Variants in MTPN observed in about 807,000 individuals in gnomAD.
MTPN encodes the protein granule cell differentiation protein.
A neutral mutation model predicts 13.5 loss-of-function variants in MTPN; 2 were observed. That is an observed-to-expected ratio of 0.15 (90% CI 0.06 to 0.47). The LOEUF (loss-of-function observed/expected upper bound fraction) is 0.47, where lower values mean the gene tolerates loss of function less well. Ranked by LOEUF, MTPN falls within the 20% of genes least tolerant of loss-of-function variation. The pLI is 0.97. For synonymous variants in MTPN, 46 were observed against 51.7 expected (o/e 0.89, Z 0.48); for missense variants, 79 against 137.9 (o/e 0.57, Z 2.14).
At chr7:135,951,656 A>G (rs1393139641) in intron 1 of MTPN, 26 bp from the exon 2 acceptor site, 3 of 1,505,772 alleles carry the variant, frequency 2.0e-6, no homozygotes, top group Non-Finnish European at 1.8e-6. Flanking sequence ...AATGAAAACA[A>G]TATTTATATG....
At chr7:135,963,758 T>C (rs1030244309) in intron 1 of MTPN, among the ~76,000 whole-genome samples, 14 of 152,166 alleles carry the variant, frequency 9.2e-5, no homozygotes, top group South Asian at 4.1e-4. Flanking sequence ...ATCCCACCTA[T>C]ACATTTACTT....
At position 135,927,057 on chromosome 7, in the gene MTPN, G is replaced by A; in HGVS notation, c.*2869C>T. 1 of 341,562 alleles carries A rather than the reference G, an allele frequency of 2.9e-6. No individual in the cohort carries two copies. The highest frequency in any genetic ancestry group is 5.2e-6 in the Non-Finnish European group (1 of 190,658). 21.2% of individuals were successfully genotyped at this position (341,562 alleles called of 1,614,324 possible). On this transcript the variant is annotated 3_prime_UTR_variant, in exon 4 of 4. Transcript: ENST00000393085. ...TGCAATTGCTTATTTATGTAGGAGG[G>A]CACTCTCACCAGCTTCTTCTATACA...
At chr7:135,975,122 G>GT (rs1799753343) in intron 1 of MTPN, among the ~76,000 whole-genome samples, 1 of 152,136 alleles carries the variant, frequency 6.6e-6, no homozygotes, top group Non-Finnish European at 1.5e-5. Flanking sequence ...GGCTACGGTA[G>GT]TAATATAGGG....
chr7:135,940,547 C>T (rs994410846), intron 3 of MTPN, among the ~76,000 whole-genome samples: 1 of 152,168 alleles, frequency 6.6e-6, no homozygotes, highest in Non-Finnish European at 1.5e-5. Flanking sequence ...TCACAGCAGT[C>T]CCCTGAAGTG....
At chr7:135,938,585 TAC>T (rs1584807056) in intron 3 of MTPN, among the ~76,000 whole-genome samples, 1 of 152,230 alleles carries the variant, frequency 6.6e-6, no homozygotes, top group East Asian at 1.9e-4. Flanking sequence ...GAAACAGCTT[TAC>T]AGAGTTCAAG....
rs1302601778 is a variant in MTPN at position 135,927,613 on chromosome 7, C to T, written c.*2313G>A. 1 of 671,556 alleles carries T rather than the reference C, an allele frequency of 1.5e-6. No homozygotes were observed. The highest frequency in any genetic ancestry group is 1.8e-5 in the African/African-American group (1 of 55,346). 41.6% of individuals were successfully genotyped at this position (671,556 alleles called of 1,614,324 possible). The stretch of plus-strand genomic sequence containing the variant: ...TGAACATTAAGTGTTGTGAATTTGT[C>T]TGCCAAGTGGTTCAGAAATACATTA... On this transcript the variant is annotated 3_prime_UTR_variant, in exon 4 of 4. Coordinates refer to ENST00000393085, the MANE Select transcript of MTPN (RefSeq NM_145808.4).
chr7:135,930,840 T>G (rs564848649), intron 3 of MTPN, among the ~76,000 whole-genome samples: 1 of 152,266 alleles, frequency 6.6e-6, no homozygotes, highest in East Asian at 1.9e-4. Context: ...ATCTGAGGGT[T>G]CTGTTTACCA....
rs1799539574 is a variant in MTPN, at chr7:135,962,480, T to G, written c.73-10850A>C. ...ATTCTATTAATGGCAAGAATATTAC[T>G]TATGGACACAACCAAATCTGTGAAA... is the stretch of plus-strand genomic sequence containing the variant. On this transcript the variant is annotated intron_variant, in intron 1 of 3. Coordinates refer to ENST00000393085, the MANE Select transcript of MTPN (RefSeq NM_145808.4). Among the ~76,000 whole-genome samples the G allele has an allele frequency of 2.0e-5, 3 of 152,034 alleles. No individual in the cohort carries two copies. The South Asian group carries it at 6.2e-4, about 31-fold the overall frequency.
rs1798988015 is a variant in MTPN, at chr7:135,929,819, A to G, written c.*107T>C. The G allele has an allele frequency of 8.0e-6, 9 of 1,118,330 alleles. No homozygotes were observed. The highest frequency in any genetic ancestry group is 1.2e-5 in the Non-Finnish European group (9 of 738,798). The allele number at this position is 1,118,330 out of a possible 1,614,324, so 69.3% of individuals were successfully genotyped here. A position where few individuals can be genotyped will look rare whatever the true frequency, so the allele number is the denominator to read the frequency against. On this transcript the variant is annotated 3_prime_UTR_variant, in exon 4 of 4. Coordinates refer to ENST00000393085, the MANE Select transcript of MTPN (RefSeq NM_145808.4). Reference sequence around the variant, plus strand: ...ATTTCTCTCTCCCCTCACCCCTCTTAAAGTATTTAGCTGAAGAAGCTGGCA... The same window carrying G: ...ATTTCTCTCTCCCCTCACCCCTCTTGAAGTATTTAGCTGAAGAAGCTGGCA...
At chr7:135,973,381 C>G (rs1462528312) in intron 1 of MTPN, among the ~76,000 whole-genome samples, 1 of 151,408 alleles carries the variant, frequency 6.6e-6, no homozygotes, top group Non-Finnish European at 1.5e-5. Context: ...GTCTTGGTAA[C>G]CCTCAGAAAT....
intron 3 of MTPN, among the ~76,000 whole-genome samples, chr7:135,936,779 A>G (rs1416323147): frequency 1.3e-5 from 2 of 152,306 alleles, no homozygotes; most frequent in East Asian, 1.9e-4. Context: ...TGGAGGAGAA[A>G]AAGGTTGCTA....
intron 1 of MTPN, among the ~76,000 whole-genome samples, chr7:135,959,580 A>G (rs1365629887): frequency 2.0e-5 from 3 of 152,158 alleles, no homozygotes; most frequent in Non-Finnish European, 4.4e-5. Flanking sequence ...TCTCATGAAA[A>G]TTTGGTGAGT....
intron 1 of MTPN, among the ~76,000 whole-genome samples, chr7:135,975,117 C>G (rs1421880979): frequency 6.6e-6 from 1 of 152,062 alleles, no homozygotes; most frequent in South Asian, 2.1e-4. Flanking sequence ...GAACAGGCTA[C>G]GGTAGTAATA....
chr7:135,954,098 T>C (rs1398707391), intron 1 of MTPN, among the ~76,000 whole-genome samples: 1 of 152,208 alleles, frequency 6.6e-6, no homozygotes, highest in Non-Finnish European at 1.5e-5. Context: ...TAAATTTTGG[T>C]TTCCTTATCC....
In MTPN at chr7:135,927,382, T is replaced by A. The variant is rs1027486531; in HGVS notation, c.*2544A>T. 3.2e-6 allele frequency: 5 copies of A among 1,549,608 alleles called. No homozygotes were observed. In the African/African-American group the frequency reaches 5.5e-5, roughly 17 times the overall value. On this transcript the variant is annotated 3_prime_UTR_variant, in exon 4 of 4. Transcript: ENST00000393085. Reference sequence around the variant, plus strand: ...GAAGCTGCAAGGGAGACTTTGTTAGTACACTACTATAAACAGGTAAACTAC... The same window carrying A: ...GAAGCTGCAAGGGAGACTTTGTTAGAACACTACTATAAACAGGTAAACTAC...
At chr7:135,930,286 G>A (rs546875770) in intron 3 of MTPN, among the ~76,000 whole-genome samples, 7 of 152,286 alleles carry the variant, frequency 4.6e-5, no homozygotes, top group South Asian at 2.1e-4. Flanking sequence ...GGAAGAGCAC[G>A]TTGAGCAAGT....
At chr7:135,940,301 AC>A (rs1799189572) in intron 3 of MTPN, among the ~76,000 whole-genome samples, 1 of 152,228 alleles carries the variant, frequency 6.6e-6, no homozygotes, top group African/African-American at 2.4e-5. Flanking sequence ...TCAAATACCT[AC>A]AATTATACAT....
At position 135,939,695 on chromosome 7, in the gene MTPN, T is replaced by C. The variant is rs527658452; in HGVS notation, c.271-9683A>G. Among the ~76,000 whole-genome samples, 3 of 151,620 alleles carry C rather than the reference T, an allele frequency of 2.0e-5. No homozygotes were observed. In the East Asian group the frequency reaches 5.9e-4, roughly 30 times the overall value. On this transcript the variant is annotated intron_variant, in intron 3 of 3. Coordinates refer to ENST00000393085, the MANE Select transcript of MTPN (RefSeq NM_145808.4). The stretch of plus-strand genomic sequence containing the variant: ...CTTCAGACTTTCTCGTTTAGATCAT[T>C]GTAGTAAGGGTTTTTGTTACTCATG...
Position 135,927,631 on chromosome 7 carries a change from ATACAT to A in MTPN, c.*2290_*2294del. ...AATTTGTCTGCCAAGTGGTTCAGAAATACATTATAAATAACCTAGTTAAAAAAAGA... is the reference window on the plus strand; with the variant it reads ...AATTTGTCTGCCAAGTGGTTCAGAAATATAAATAACCTAGTTAAAAAAAGA... On this transcript the variant is annotated 3_prime_UTR_variant, in exon 4 of 4. Transcript: ENST00000393085. 1.5e-6 allele frequency: 1 copy of A among 654,400 alleles called. No individual in the cohort carries two copies. The highest frequency in any genetic ancestry group is 2.9e-6 in the Non-Finnish European group (1 of 348,964). The allele number at this position is 654,400 out of a possible 1,614,324, so 40.5% of individuals were successfully genotyped here.
Sources: gnomAD v4.1 joint callset for allele counts (sites outside exome capture counted in the v4.1 genomes callset) on GRCh38, gnomAD v4.1.1 for gene constraint, MANE v1.5 for transcripts, NCBI Gene and HGNC (gene_info 2026-07-23, HGNC 2026-07-21) for gene names.